Variants in PCSK5 observed in about 807,000 individuals in gnomAD.
The protein encoded by PCSK5 is proprotein convertase subtilisin/kexin type 5, also known as prohormone convertase 5.
A neutral mutation model predicts 233.2 loss-of-function variants in PCSK5; 129 were observed. That is an observed-to-expected ratio of 0.55 (90% CI 0.48 to 0.64). The LOEUF (loss-of-function observed/expected upper bound fraction) is 0.64, where lower values mean the gene tolerates loss of function less well. PCSK5 is among the 30% of genes least tolerant of loss of function. The pLI, the probability that PCSK5 is intolerant of heterozygous loss-of-function variation, is 0.00. For synonymous variants in PCSK5, 825 were observed against 879.2 expected (o/e 0.94, Z 1.09); for missense variants, 2,076 against 2,430.1 (o/e 0.85, Z 3.06).
At chr9:75,899,410 A>G (rs1278127559) in intron 1 of PCSK5, among the ~76,000 whole-genome samples, 2 of 152,086 alleles carry the variant, frequency 1.3e-5, no homozygotes, top group African/African-American at 4.8e-5. Context: ...CTCTTAGCAA[A>G]TAGTCAATAA....
intron 2 of PCSK5, among the ~76,000 whole-genome samples, chr9:75,959,525 A>G (rs1003897323): frequency 2.0e-5 from 3 of 152,148 alleles, no homozygotes; most frequent in African/African-American, 7.2e-5. Flanking sequence ...TTGAGCCACT[A>G]TGAGCTGCTC....
chr9:76,007,796 TTGTGTGTGTGTGTGTGTGTGTG>T (rs59860078), intron 3 of PCSK5, among the ~76,000 whole-genome samples: 3 of 128,304 alleles, frequency 2.3e-5, no homozygotes, highest in East Asian at 2.4e-4. Context: ...CCGGCTAATT[TTGTGTGTGTGTGTGTGTGTGTG>T]TGTGTGTGTG....
chr9:76,110,356 C>A (rs1212159701), intron 9 of PCSK5, among the ~76,000 whole-genome samples: 1 of 152,200 alleles, frequency 6.6e-6, no homozygotes, highest in Non-Finnish European at 1.5e-5. Context: ...TTTATTGTTT[C>A]TCTGAATATC....
chr9:76,289,010 C>G (rs1431609383), intron 24 of PCSK5, among the ~76,000 whole-genome samples: 1 of 152,094 alleles, frequency 6.6e-6, no homozygotes, highest in Non-Finnish European at 1.5e-5. Context: ...GAGGCAATGT[C>G]TCCATGGGAC....
chr9:76,070,810 T>A lies in PCSK5; in HGVS notation c.722-916T>A, dbSNP rs932556975. 2.0e-5 allele frequency among the ~76,000 whole-genome samples: 3 copies of A among 152,206 alleles called. No homozygotes were observed. In the South Asian group the frequency reaches 6.2e-4, roughly 32 times the overall value. ...TTATTATTTAATCCCCGTTTGTTGA[T>A]AACCAATAAAAACTTAAAATCCTAC... On this transcript the variant is annotated intron_variant, in intron 6 of 37. Coordinates refer to ENST00000674117, the MANE Select transcript of PCSK5 (RefSeq NM_001372043.1).
intron 21 of PCSK5, among the ~76,000 whole-genome samples, chr9:76,228,254 C>A (rs555321482): frequency 6.6e-6 from 1 of 152,192 alleles, no homozygotes; most frequent in African/African-American, 2.4e-5. Context: ...GATCTGCCCG[C>A]CTCAGCCTCC....
At chr9:76,010,709 G>A (rs766439649) in intron 3 of PCSK5, among the ~76,000 whole-genome samples, 2 of 152,140 alleles carry the variant, frequency 1.3e-5, no homozygotes. Flanking sequence ...TTGTCTGTAA[G>A]GTGTTTATGT....
chr9:76,140,528 G>A (rs201959092), intron 10 of PCSK5, among the ~76,000 whole-genome samples: 2 of 39,832 alleles, frequency 5.0e-5, no homozygotes, highest in African/African-American at 1.3e-4. Context: ...ATAAAGATGC[G>A]GAACTGTGAT....
chr9:76,333,123 A>G (rs1300712566), intron 34 of PCSK5, among the ~76,000 whole-genome samples: 1 of 152,208 alleles, frequency 6.6e-6, no homozygotes, highest in Non-Finnish European at 1.5e-5. Flanking sequence ...GGCTGCAGTA[A>G]GCTATGATTG....
chr9:75,942,107 C>T (rs753837887), intron 2 of PCSK5, among the ~76,000 whole-genome samples: 76 of 152,302 alleles, frequency 5.0e-4, no homozygotes, highest in African/African-American at 1.1e-3. Context: ...AGGAGCTCAC[C>T]GGGCATGCGC....
At chr9:76,228,836 T>C (rs1825980950) in intron 21 of PCSK5, among the ~76,000 whole-genome samples, 1 of 152,230 alleles carries the variant, frequency 6.6e-6, no homozygotes, top group African/African-American at 2.4e-5. Context: ...TTGTCCTACT[T>C]CTGCAAGACT....
At chr9:75,935,149 C>T in intron 2 of PCSK5, among the ~76,000 whole-genome samples, 1 of 152,148 alleles carries the variant, frequency 6.6e-6, no homozygotes, top group East Asian at 1.9e-4. Context: ...CTCACTGCAA[C>T]CGCTGTCTCC....
chr9:75,921,906 C>T (rs2131258515), intron 1 of PCSK5, among the ~76,000 whole-genome samples: 1 of 152,284 alleles, frequency 6.6e-6, no homozygotes, highest in South Asian at 2.1e-4. Flanking sequence ...CAGTCCTTAT[C>T]TGTAGTGTGC....
intron 16 of PCSK5, among the ~76,000 whole-genome samples, chr9:76,184,380 A>G (rs1012304105): frequency 2.3e-4 from 4 of 17,444 alleles, no homozygotes; most frequent in African/African-American, 9.9e-4. Flanking sequence ...GAGACTAGGA[A>G]GAAGAAGAAA....
At chr9:76,143,328 C>G (rs937746828) in intron 10 of PCSK5, among the ~76,000 whole-genome samples, 9 of 152,006 alleles carry the variant, frequency 5.9e-5, no homozygotes, top group African/African-American at 2.2e-4. Context: ...AAATCAAAAG[C>G]AAAGCTACTT....
At chr9:76,250,379 G>A (rs1228440117) in intron 24 of PCSK5, among the ~76,000 whole-genome samples, 1 of 152,188 alleles carries the variant, frequency 6.6e-6, no homozygotes, top group Non-Finnish European at 1.5e-5. Context: ...GTATGGAAAG[G>A]GCAGGGGCAG....
rs372302666 is a variant in PCSK5, at chr9:76,067,989, G to T, written c.667G>T (p.Ala223Ser). The T allele has an allele frequency of 6.2e-7, 1 of 1,613,816 alleles. No homozygotes were observed. The highest frequency in any genetic ancestry group is 8.5e-7 in the Non-Finnish European group (1 of 1,179,830). The change falls in exon 6 of 38, where the codon GCT (alanine) becomes TCT (serine). Residue 223 changes from alanine to serine, a missense_variant. Ala to Ser is a moderately conservative substitution (Grantham distance 99). Transcript: ENST00000674117. ...GTRCAGEVAA[A>S]ANNSHCTVGI... ...TCGCTGTGCTGGAGAAGTGGCAGCCGCTGCAAACAATTCGCACTGCACAGT... is the reference window on the plus strand; with the variant it reads ...TCGCTGTGCTGGAGAAGTGGCAGCCTCTGCAAACAATTCGCACTGCACAGT...
chr9:76,255,300 A>T (rs960698827), intron 24 of PCSK5, among the ~76,000 whole-genome samples: 5 of 152,116 alleles, frequency 3.3e-5, no homozygotes, highest in African/African-American at 7.2e-5. Context: ...AAAATAAAAA[A>T]AATAATTTTA....
chr9:76,208,686 A>G (rs1316206347), intron 20 of PCSK5, among the ~76,000 whole-genome samples: 1 of 152,142 alleles, frequency 6.6e-6, no homozygotes, highest in Non-Finnish European at 1.5e-5. Context: ...TAACTCTCTA[A>G]TCTTTGCAGT....
Sources: gnomAD v4.1 joint callset for allele counts (sites outside exome capture counted in the v4.1 genomes callset) on GRCh38, gnomAD v4.1.1 for gene constraint, MANE v1.5 for transcripts, NCBI Gene and HGNC (gene_info 2026-07-23, HGNC 2026-07-21) for gene names.